DIS3L2: variants seen among roughly 807,000 people sequenced by gnomAD.
DIS3L2 encodes the protein DIS3-like exonuclease 2.
Under a neutral mutation model 97.5 loss-of-function variants are expected in DIS3L2, and 34 were observed. The ratio of observed to expected loss-of-function variants is 0.35; its 90% confidence interval spans 0.27 to 0.46. The LOEUF is 0.46. Among genes scored for constraint, DIS3L2 ranks in the 20% least tolerant of loss-of-function variants. DIS3L2 has a pLI of 1.00. For missense variants in DIS3L2, 1,038 were observed against 1,146.0 expected (o/e 0.91, Z 1.36); for synonymous variants, 435 against 445.2 (o/e 0.98, Z 0.29).
At chr2:232,023,802 A>G (rs1315725207) in intron 3 of DIS3L2, among the ~76,000 whole-genome samples, 1 of 152,176 alleles carries the variant, frequency 6.6e-6, no homozygotes, top group African/African-American at 2.4e-5. Flanking sequence ...CCAGTTTCAT[A>G]AGGCTCAGTA....
Position 232,276,430 on chromosome 2 carries a change from T to G in DIS3L2, c.1659+12990T>G, listed in dbSNP as rs1694141334. Among the ~76,000 whole-genome samples the G allele has an allele frequency of 6.6e-6, 1 of 151,444 alleles. No individual in the cohort carries two copies. The highest frequency in any genetic ancestry group is 1.5e-5 in the Non-Finnish European group (1 of 67,570). ...GAGCTCACCTCGAGGGGAGCAGAGC[T>G]CCTATCTTTCCTGGACCCTCCTGGC... On this transcript the variant is annotated intron_variant, in intron 13 of 20. Transcript: ENST00000325385. The surrounding 1 kb of genome is among the most constrained non-coding windows in gnomAD (Gnocchi z 4.4).
At chr2:232,105,144 G>A (rs1697325316) in intron 6 of DIS3L2, among the ~76,000 whole-genome samples, 1 of 152,172 alleles carries the variant, frequency 6.6e-6, no homozygotes, top group African/African-American at 2.4e-5. Context: ...CATCCATGTT[G>A]ATGAACACTT....
At chr2:232,223,963 C>CTA (rs922636046) in intron 10 of DIS3L2, among the ~76,000 whole-genome samples, 1 of 152,118 alleles carries the variant, frequency 6.6e-6, no homozygotes, top group Non-Finnish European at 1.5e-5. Flanking sequence ...TGGTGCACGT[C>CTA]TATAGTCCTA....
chr2:232,066,038 T>C (rs970532253), intron 5 of DIS3L2, among the ~76,000 whole-genome samples: 2 of 151,930 alleles, frequency 1.3e-5, no homozygotes, highest in Admixed American at 6.5e-5. Flanking sequence ...AACCTAGTTA[T>C]TAGTTTTAGT....
intron 20 of DIS3L2, 145 bp from the exon 21 acceptor site, chr2:232,336,324 A>AG (rs756501985): frequency 2.1e-5 from 32 of 1,546,190 alleles, no homozygotes; most frequent in Middle Eastern, 1.7e-4. Context: ...TTCTTCCTGG[A>AG]GGGGGCCCCC....
intron 8 of DIS3L2, among the ~76,000 whole-genome samples, chr2:232,139,167 G>A (rs1046750290): frequency 6.6e-6 from 1 of 152,146 alleles, no homozygotes; most frequent in Non-Finnish European, 1.5e-5. Context: ...AAAAACCAGA[G>A]CAGGAAATGG....
chr2:232,114,930 G>A (rs914443320), intron 6 of DIS3L2, among the ~76,000 whole-genome samples: 1 of 152,158 alleles, frequency 6.6e-6, no homozygotes, highest in Non-Finnish European at 1.5e-5. Context: ...ATCTAGTGAG[G>A]ACCTTCTTGC....
intron 9 of DIS3L2, among the ~76,000 whole-genome samples, chr2:232,191,113 C>G (rs1039013025): frequency 6.6e-6 from 1 of 152,062 alleles, no homozygotes; most frequent in Admixed American, 6.5e-5. Flanking sequence ...AGTGGGGATC[C>G]TAAACGTAAA....
At chr2:232,006,723 G>T (rs1333896547) in intron 1 of DIS3L2, among the ~76,000 whole-genome samples, 2 of 152,046 alleles carry the variant, frequency 1.3e-5, no homozygotes, top group East Asian at 3.9e-4. Context: ...AGAGGTAAGT[G>T]AAAAAAAGAG....
intron 13 of DIS3L2, among the ~76,000 whole-genome samples, chr2:232,265,506 C>T (rs959288043): frequency 2.0e-5 from 3 of 152,182 alleles, no homozygotes; most frequent in African/African-American, 7.2e-5. Context: ...TAGGTGGCAC[C>T]GGCTGTCTAG....
chr2:232,003,259 T>G (rs2106206483), intron 1 of DIS3L2, among the ~76,000 whole-genome samples: 1 of 152,344 alleles, frequency 6.6e-6, no homozygotes, highest in South Asian at 2.1e-4. Context: ...TTTAGAAAAT[T>G]CCTTTGCACT....
intron 1 of DIS3L2, among the ~76,000 whole-genome samples, chr2:231,992,065 CTG>C (rs1193713091): frequency 6.6e-6 from 1 of 152,102 alleles, no homozygotes; most frequent in Non-Finnish European, 1.5e-5. Flanking sequence ...GGGATGAGGA[CTG>C]GAGCTGGACA....
At chr2:232,036,764 C>G (rs1161911199) in intron 5 of DIS3L2, among the ~76,000 whole-genome samples, 1 of 152,184 alleles carries the variant, frequency 6.6e-6, no homozygotes, top group African/African-American at 2.4e-5. Flanking sequence ...AGTTCTTCTT[C>G]TAACAGTCAG....
At position 232,069,997 on chromosome 2, in the gene DIS3L2, A is replaced by G. The variant is rs565256834; in HGVS notation, c.367-17490A>G. ...AGTAGCTAATAGAGGCAGTACTAAT[A>G]CATTGACTATGTTTTAGAGACTTAA... On this transcript the variant is annotated intron_variant, in intron 5 of 20. Coordinates refer to ENST00000325385, the MANE Select transcript of DIS3L2 (RefSeq NM_152383.5). 2.0e-4 allele frequency among the ~76,000 whole-genome samples: 31 copies of G among 152,372 alleles called. No homozygotes were observed. In the South Asian group the frequency reaches 6.0e-3, roughly 30 times the overall value.
At chr2:232,135,792 G>A (rs752486743) in intron 7 of DIS3L2, among the ~76,000 whole-genome samples, 1 of 152,038 alleles carries the variant, frequency 6.6e-6, no homozygotes, top group Non-Finnish European at 1.5e-5. Flanking sequence ...GTGGGATGTC[G>A]GCAAGCTCTG....
chr2:232,314,746 G>A (rs1695224556), intron 14 of DIS3L2, among the ~76,000 whole-genome samples: 1 of 152,196 alleles, frequency 6.6e-6, no homozygotes, highest in African/African-American at 2.4e-5. Context: ...TTTTTGCGAT[G>A]GACTGCAGCT....
chr2:231,998,007 A>G (rs1036218361), intron 1 of DIS3L2, among the ~76,000 whole-genome samples: 3 of 152,090 alleles, frequency 2.0e-5, no homozygotes, highest in Non-Finnish European at 4.4e-5. Flanking sequence ...AGTCTCCTTT[A>G]ATTTGGAACA....
At chr2:232,135,047 G>A (rs1312561958) in intron 7 of DIS3L2, among the ~76,000 whole-genome samples, 2 of 152,128 alleles carry the variant, frequency 1.3e-5, no homozygotes, top group East Asian at 1.9e-4. Context: ...TGGATTCATC[G>A]GAGAGGAGGT....
At chr2:232,337,427 G>A (rs571105969), downstream of DIS3L2, among the ~76,000 whole-genome samples, 191 of 152,214 alleles carry the variant, frequency 1.3e-3, no homozygotes, top group African/African-American at 4.1e-3. Context: ...CAGAGGAGCC[G>A]GCCTGGGCCT....
Sources: allele counts gnomAD v4.1 joint callset (sites outside exome capture counted in the v4.1 genomes callset), GRCh38; gene constraint gnomAD v4.1.1; non-coding constraint Gnocchi (gnomAD v3.1); transcripts MANE v1.5; gene names NCBI Gene and HGNC (gene_info 2026-07-23, HGNC 2026-07-21).